The following SCAP variants were observed in gnomAD, a reference collection of about 807,000 sequenced individuals.
SCAP encodes the protein sterol regulatory element-binding protein cleavage-activating protein.
A neutral mutation model predicts 123.6 loss-of-function variants in SCAP; 65 were observed. The ratio of observed to expected loss-of-function variants is 0.53; its 90% CI spans 0.43 to 0.65. SCAP has a LOEUF of 0.65. Ranked by LOEUF, SCAP falls within the 30% of genes least tolerant of loss-of-function variation. SCAP has a pLI of 0.00. For missense variants in SCAP, 1,398 were observed against 1,712.5 expected, an observed-to-expected ratio of 0.82 and a Z score of 3.24; for synonymous variants, 740 against 726.3, an observed-to-expected ratio of 1.02 and a Z score of -0.30.
intron 4 of SCAP, 47 bp from the exon 5 acceptor site, chr3:47,427,714 G>T: frequency 6.5e-7 from 1 of 1,531,522 alleles, no homozygotes; most frequent in Non-Finnish European, 9.0e-7. Flanking sequence ...GCCACCACAG[G>T]GCAGACCTGC....
intron 3 of SCAP, among the ~76,000 whole-genome samples, chr3:47,433,876 T>TA (rs573226342): frequency 1.7e-4 from 25 of 145,776 alleles, no homozygotes; most frequent in Admixed American, 2.7e-4. Context: ...CTCAAAACAA[T>TA]AAAAAAAAAA....
intron 13 of SCAP, 132 bp from the exon 14 acceptor site, chr3:47,418,975 G>C: frequency 9.7e-7 from 1 of 1,034,706 alleles, no homozygotes; most frequent in Non-Finnish European, 1.4e-6. Context: ...CAGCATGGGG[G>C]GTTGGGGACA....
chr3:47,466,359 G>C (rs1379206514), intron 1 of SCAP, among the ~76,000 whole-genome samples: 1 of 152,102 alleles, frequency 6.6e-6, no homozygotes, highest in Non-Finnish European at 1.5e-5. Flanking sequence ...ATCTTCTGTA[G>C]TTCATCAGTA....
chr3:47,434,966 C>G, intron 3 of SCAP, 42 bp downstream of exon 3: 2 of 1,613,792 alleles, frequency 1.2e-6, no homozygotes, highest in Non-Finnish European at 1.7e-6. Context: ...CAGTCTCCAC[C>G]CAACGCTCTG....
At chr3:47,453,379 T>TA (rs143150702) in intron 1 of SCAP, among the ~76,000 whole-genome samples, 3,171 of 87,196 alleles carry the variant, frequency 0.036, 124 homozygotes, top group Admixed American at 0.16. Context: ...CCCATCTCTT[T>TA]AAAAAAAATT....
At chr3:47,457,409 G>A (rs1417730134) in intron 1 of SCAP, among the ~76,000 whole-genome samples, 9 of 152,214 alleles carry the variant, frequency 5.9e-5, no homozygotes, top group Non-Finnish European at 1.3e-4. Context: ...CAGCCTCCTG[G>A]ATTGACTGCG....
At chr3:47,418,059 G>A (rs1242240631) in intron 16 of SCAP, 75 bp downstream of exon 16, 6 of 1,084,004 alleles carry the variant, frequency 5.5e-6, no homozygotes, top group South Asian at 1.4e-5. Context: ...AGAAAGGAGG[G>A]GAGATACGTG....
At chr3:47,469,292 A>G (rs1304128195) in intron 1 of SCAP, among the ~76,000 whole-genome samples, 1 of 152,210 alleles carries the variant, frequency 6.6e-6, no homozygotes, top group East Asian at 1.9e-4. Context: ...GGTTGCGGTG[A>G]GCAGAGACCA....
chr3:47,434,701 G>A (rs1706499117), intron 3 of SCAP, among the ~76,000 whole-genome samples: 1 of 152,178 alleles, frequency 6.6e-6, no homozygotes, highest in African/African-American at 2.4e-5. Flanking sequence ...GTTGGGCGTG[G>A]TGGCGCACAC....
In SCAP at chr3:47,414,295, C is replaced by T. The variant is rs778510155; in HGVS notation, c.3479G>A (p.Arg1160His). 1.6e-5 allele frequency: 26 copies of T among 1,613,332 alleles called. No homozygotes were observed. The highest frequency in any genetic ancestry group is 6.7e-5 in the East Asian group (3 of 44,888). Reference sequence around the variant, plus strand: ...ACAGGTAAGGGAGGTGACATCCCCACGGTGAGCAAACACATGGCTGACCCG... The same window carrying T: ...ACAGGTAAGGGAGGTGACATCCCCATGGTGAGCAAACACATGGCTGACCCG... ...GSRVSHVFAHRGDVTSLTCTT... is the reference protein window; with the variant it reads ...GSRVSHVFAHHGDVTSLTCTT... The change falls in exon 22 of 23, where the codon CGT becomes CAT. Residue 1160 changes from arginine to histidine, a missense_variant. Coordinates refer to ENST00000265565, the MANE Select transcript of SCAP (RefSeq NM_012235.4).
rs541563249 is a variant in SCAP, at chr3:47,436,721, A to AT, written c.123-1585dup. Among the ~76,000 whole-genome samples, 301 of 152,362 alleles carry AT rather than the reference A, an allele frequency of 2.0e-3. 3 individuals carry two copies. The highest frequency in any genetic ancestry group is 6.6e-3 in the African/African-American group (274 of 41,586). On this transcript the variant is annotated intron_variant, in intron 2 of 22. Transcript: ENST00000265565. ...TTCTTAAAATTTAGAAATAACTTCT[A>AT]TATAGTACAATGCACAGATCTTAAG... is the stretch of plus-strand genomic sequence containing the variant.
chr3:47,429,432 A>G (rs1706272534), intron 3 of SCAP, among the ~76,000 whole-genome samples: 1 of 152,178 alleles, frequency 6.6e-6, no homozygotes. Context: ...TCAATCTCCC[A>G]GGCTCAAGAG....
chr3:47,430,930 G>A (rs184795523), intron 3 of SCAP, among the ~76,000 whole-genome samples: 7 of 152,330 alleles, frequency 4.6e-5, no homozygotes, highest in Non-Finnish European at 7.4e-5. Context: ...ATAGGCAAGG[G>A]CCAAGATGCT....
chr3:47,451,442 G>A, intron 1 of SCAP, among the ~76,000 whole-genome samples: 1 of 103,898 alleles, frequency 9.6e-6, no homozygotes, highest in Admixed American at 1.1e-4. Flanking sequence ...CTGTCACCCA[G>A]GCTGGAGTGC....
intron 8 of SCAP, 41 bp downstream of exon 8, chr3:47,425,444 G>A (rs1706082411): frequency 1.1e-5 from 18 of 1,597,570 alleles, no homozygotes; most frequent in Non-Finnish European, 1.3e-5. Flanking sequence ...TCTCTGGCCT[G>A]AGCCCACCCT....
At chr3:47,435,465 AACATAC>A (rs369092906) in intron 2 of SCAP, among the ~76,000 whole-genome samples, 7,865 of 121,398 alleles carry the variant, frequency 0.065, 304 homozygotes, top group South Asian at 0.12. Flanking sequence ...ATATAATATA[AACATAC>A]ACACACACAC....
At chr3:47,416,831 T>G (rs549005628) in intron 18 of SCAP, among the ~76,000 whole-genome samples, 2 of 151,840 alleles carry the variant, frequency 1.3e-5, no homozygotes, top group South Asian at 4.2e-4. Flanking sequence ...TTTCACCGTT[T>G]TAGCCGGGAT....
chr3:47,427,736 G>T (rs964836861), intron 4 of SCAP, 69 bp from the exon 5 acceptor site: 4 of 1,350,242 alleles, frequency 3.0e-6, no homozygotes, highest in Admixed American at 2.0e-5. Flanking sequence ...GTACTTAGGG[G>T]ACATCCTCTG....
chr3:47,414,330 C>T lies in SCAP; in HGVS notation c.3444G>A (p.Leu1148=), dbSNP rs752150215. The change falls in exon 22 of 23, where the codon CTG becomes CTA. Residue 1148 remains leucine, a synonymous_variant. Transcript: ENST00000265565. The stretch of plus-strand genomic sequence containing the variant: ...ACACATGGCTGACCCGGCTGCCAGT[C>T]AGTACATCCCACAGGCAGATGGCCC... The part of the protein sequence containing the change: ...QDGAICLWDV[L]TGSRVSHVFA... The T allele has an allele frequency of 3.1e-6, 5 of 1,613,188 alleles. No homozygotes were observed. The highest frequency in any genetic ancestry group is 4.2e-6 in the Non-Finnish European group (5 of 1,180,032).
Sources: gnomAD v4.1 joint callset for allele counts (sites outside exome capture counted in the v4.1 genomes callset) on GRCh38, gnomAD v4.1.1 for gene constraint, MANE v1.5 for transcripts, NCBI Gene and HGNC (gene_info 2026-07-23, HGNC 2026-07-21) for gene names.